Variants in GPR158 observed in about 807,000 individuals in gnomAD.
The protein encoded by GPR158 is G protein-coupled receptor 158.
In GPR158, 30 loss-of-function variants were observed where a neutral mutation model predicts 78.2. The observed-to-expected ratio is 0.38, with a 90% CI of 0.29 to 0.52. The LOEUF is 0.52. GPR158 is among the 20% of genes least tolerant of loss of function. The pLI is 0.83. For synonymous variants in GPR158, 581 were observed against 591.1 expected (o/e 0.98, Z 0.25); for missense variants, 1,463 against 1,523.5 (o/e 0.96, Z 0.66).
chr10:25,372,043 G>A (rs549987017), intron 2 of GPR158, among the ~76,000 whole-genome samples: 108 of 151,738 alleles, frequency 7.1e-4, no homozygotes, highest in Middle Eastern at 3.4e-3. Flanking sequence ...AAAAGTGGGC[G>A]AAGGACATGA....
intron 4 of GPR158, among the ~76,000 whole-genome samples, chr10:25,444,731 T>A (rs759602232): frequency 6.6e-6 from 1 of 152,122 alleles, no homozygotes; most frequent in South Asian, 2.1e-4. Flanking sequence ...TACTTGCTTC[T>A]AATCTTAAGT....
rs141661367 is a variant in GPR158, at chr10:25,598,644, G to A, written c.3018G>A (p.Val1006=). 119 of 1,614,056 alleles carry A rather than the reference G, an allele frequency of 7.4e-5. 1 individual carries two copies. In the African/African-American group the frequency reaches 1.4e-3, roughly 20 times the overall value. Residue 1006 remains valine, a synonymous_variant, in exon 11 of 11, where the codon GTG becomes GTA. Transcript: ENST00000376351. ...AGGACAACTTTGACATTGGGGAGGT[G>A]TGTCCTTGGGAGGTTTATGACCTGA... The part of the protein sequence containing the change: ...QMKDNFDIGE[V]CPWEVYDLTP...
rs533790653 is a variant in GPR158, at chr10:25,335,544, A to G, written c.1009-60367A>G. On this transcript the variant is annotated intron_variant, in intron 2 of 10. Coordinates refer to ENST00000376351, the MANE Select transcript of GPR158 (RefSeq NM_020752.3). ...TTTATTGTTCCGTAGAATTTTCCTAAATGCAGGAGTTTACTTTTGTGTTTT... is the reference window on the plus strand; with the variant it reads ...TTTATTGTTCCGTAGAATTTTCCTAGATGCAGGAGTTTACTTTTGTGTTTT... Among the ~76,000 whole-genome samples, 7 of 152,054 alleles carry G rather than the reference A, an allele frequency of 4.6e-5. No individual in the cohort carries two copies. In the South Asian group the frequency reaches 1.0e-3, roughly 23 times the overall value.
intron 2 of GPR158, among the ~76,000 whole-genome samples, chr10:25,346,983 C>A (rs1855380385): frequency 6.6e-6 from 1 of 151,808 alleles, no homozygotes; most frequent in Non-Finnish European, 1.5e-5. Context: ...GTACTAGTGG[C>A]CTCATCTTTA....
At chr10:25,412,111 C>G (rs1381521375) in intron 3 of GPR158, 139 bp from the exon 4 acceptor site, 1 of 651,116 alleles carries the variant, frequency 1.5e-6, no homozygotes, top group African/African-American at 1.8e-5. Context: ...GTAACTCCTT[C>G]CCCTAGCAAG....
chr10:25,304,596 T>C (rs1305785668), intron 2 of GPR158, among the ~76,000 whole-genome samples: 1 of 152,054 alleles, frequency 6.6e-6, no homozygotes, highest in African/African-American at 2.4e-5. Context: ...CATATATAAC[T>C]CTATATATAG....
chr10:25,286,744 G>C (rs1854356601), intron 2 of GPR158, among the ~76,000 whole-genome samples: 1 of 152,068 alleles, frequency 6.6e-6, no homozygotes, highest in Admixed American at 6.5e-5. Flanking sequence ...AGCTTTCAGG[G>C]TGGCATTTCA....
At chr10:25,491,449 A>C (rs779847564) in intron 5 of GPR158, among the ~76,000 whole-genome samples, 5 of 152,216 alleles carry the variant, frequency 3.3e-5, no homozygotes, top group Non-Finnish European at 5.9e-5. Flanking sequence ...AAAAGAATGA[A>C]GTATAAGCCT....
chr10:25,271,963 C>A (rs1292720356), intron 2 of GPR158, among the ~76,000 whole-genome samples: 1 of 152,092 alleles, frequency 6.6e-6, no homozygotes, highest in African/African-American at 2.4e-5. Context: ...ATTATGATTT[C>A]TTTGTGGGCA....
At chr10:25,445,741 AGAG>A (rs1835131483) in intron 4 of GPR158, among the ~76,000 whole-genome samples, 1 of 151,956 alleles carries the variant, frequency 6.6e-6, no homozygotes, top group Non-Finnish European at 1.5e-5. Flanking sequence ...CGAGAGAGAG[AGAG>A]GAGAGAGGGG....
intron 5 of GPR158, among the ~76,000 whole-genome samples, chr10:25,495,860 A>G (rs892816286): frequency 6.6e-6 from 1 of 151,926 alleles, no homozygotes; most frequent in Non-Finnish European, 1.5e-5. Context: ...ACCTTAGCTT[A>G]TATCATTTCC....
intron 2 of GPR158, among the ~76,000 whole-genome samples, chr10:25,366,434 T>C (rs930178850): frequency 6.6e-6 from 1 of 151,838 alleles, no homozygotes; most frequent in East Asian, 1.9e-4. Context: ...TTTTAGTTTT[T>C]AAACTTTAAC....
At chr10:25,474,998 G>C (rs2130628715) in intron 5 of GPR158, among the ~76,000 whole-genome samples, 1 of 152,198 alleles carries the variant, frequency 6.6e-6, no homozygotes, top group Admixed American at 6.5e-5. Context: ...ACAAATGGTT[G>C]TATTAATGAG....
intron 1 of GPR158, among the ~76,000 whole-genome samples, chr10:25,215,967 G>C (rs570383598): frequency 6.6e-6 from 1 of 152,124 alleles, no homozygotes; most frequent in South Asian, 2.1e-4. Flanking sequence ...CACAGGTGAC[G>C]GTGCTGTCAA....
At chr10:25,401,721 TATTA>T (rs1306152028) in intron 3 of GPR158, among the ~76,000 whole-genome samples, 1 of 152,258 alleles carries the variant, frequency 6.6e-6, no homozygotes, top group South Asian at 2.1e-4. Flanking sequence ...GAAATTTGAC[TATTA>T]ATTAGCTCAG....
chr10:25,265,461 G>C (rs1854033272), intron 2 of GPR158, among the ~76,000 whole-genome samples: 1 of 152,088 alleles, frequency 6.6e-6, no homozygotes, highest in Non-Finnish European at 1.5e-5. Flanking sequence ...ATAGAAAGGA[G>C]ACTTTTTTTC....
At chr10:25,510,435 G>A (rs192256053) in intron 5 of GPR158, among the ~76,000 whole-genome samples, 44 of 152,206 alleles carry the variant, frequency 2.9e-4, no homozygotes, top group African/African-American at 9.9e-4. Context: ...AGCATGATAC[G>A]TAAATGAGTA....
At chr10:25,455,796 G>A (rs1168424119) in intron 4 of GPR158, among the ~76,000 whole-genome samples, 1 of 152,166 alleles carries the variant, frequency 6.6e-6, no homozygotes, top group African/African-American at 2.4e-5. Flanking sequence ...GCAGAATTTA[G>A]TGAAGCAAAT....
At chr10:25,443,717 T>C (rs1188774824) in intron 4 of GPR158, among the ~76,000 whole-genome samples, 1 of 149,462 alleles carries the variant, frequency 6.7e-6, no homozygotes, top group East Asian at 1.9e-4. Context: ...CCTCTTCTTT[T>C]CTTTGGTACT....
Sources: gnomAD v4.1 joint callset for allele counts (sites outside exome capture counted in the v4.1 genomes callset) on GRCh38, gnomAD v4.1.1 for gene constraint, MANE v1.5 for transcripts, NCBI Gene and HGNC (gene_info 2026-07-23, HGNC 2026-07-21) for gene names.